MTUS1: variants seen among roughly 807,000 people sequenced by gnomAD.
MTUS1 encodes the protein microtubule-associated tumor suppressor 1.
Under a neutral mutation model 120.8 loss-of-function variants are expected in MTUS1, and 109 were observed. The ratio of observed to expected loss-of-function variants is 0.90; its 90% CI spans 0.77 to 1.06. The LOEUF (loss-of-function observed/expected upper bound fraction) is 1.06, where lower values mean the gene tolerates loss of function less well. Among genes scored for constraint, MTUS1 ranks in the 50% least tolerant of loss-of-function variants. The probability of loss-of-function intolerance (pLI) is 0.00; values close to 1 mark genes in which losing one functional copy is unlikely to be tolerated. For synonymous variants in MTUS1, 737 were observed against 550.5 expected (o/e 1.34, Z -4.74); for missense variants, 2,210 against 1,486.3 (o/e 1.49, Z -8.01).
At chr8:17,730,793 G>C (rs557773628) in intron 3 of MTUS1, among the ~76,000 whole-genome samples, 9 of 152,294 alleles carry the variant, frequency 5.9e-5, no homozygotes, top group Middle Eastern at 3.4e-3. Flanking sequence ...ACAGAACATA[G>C]AGTGGTGAGT....
chr8:17,763,464 T>G (rs1259148503), intron 1 of MTUS1, among the ~76,000 whole-genome samples: 1 of 152,182 alleles, frequency 6.6e-6, no homozygotes, highest in Non-Finnish European at 1.5e-5. Flanking sequence ...GGGAGTTTAA[T>G]TTGTATAACA....
intron 4 of MTUS1, chr8:17,723,396 C>A: frequency 4.2e-6 from 2 of 474,064 alleles, no homozygotes; most frequent in Non-Finnish European, 3.9e-6. Flanking sequence ...AGTCCAAATC[C>A]CCTGGGTTGC....
chr8:17,739,427 A>AG (rs2047156281), intron 3 of MTUS1, among the ~76,000 whole-genome samples: 2 of 146,600 alleles, frequency 1.4e-5, no homozygotes, highest in Non-Finnish European at 3.0e-5. Context: ...AGGGAAGGGG[A>AG]GGTTGTGGTG....
At chr8:17,733,827 G>GTA (rs1019761290) in intron 3 of MTUS1, among the ~76,000 whole-genome samples, 1 of 152,024 alleles carries the variant, frequency 6.6e-6, no homozygotes, top group African/African-American at 2.4e-5. Context: ...CTACCTTCTA[G>GTA]TATCTCAGTC....
chr8:17,783,687 C>T (rs17125425), intron 1 of MTUS1, among the ~76,000 whole-genome samples: 40,990 of 151,956 alleles, frequency 0.27, 7,093 homozygotes, highest in African/African-American at 0.47. Flanking sequence ...CTTCCAAGGG[C>T]CTGACAGCCT....
intron 2 of MTUS1, among the ~76,000 whole-genome samples, chr8:17,749,862 A>G (rs915688505): frequency 6.6e-6 from 1 of 151,936 alleles, no homozygotes; most frequent in Non-Finnish European, 1.5e-5. Flanking sequence ...TCTTCTCAGG[A>G]TCTCCTAAGG....
chr8:17,710,133 A>G (rs1443612631), intron 6 of MTUS1, among the ~76,000 whole-genome samples: 1 of 152,130 alleles, frequency 6.6e-6, no homozygotes, highest in Non-Finnish European at 1.5e-5. Context: ...GTGGCTGCTG[A>G]CTGACTGATT....
At chr8:17,648,149 T>G (rs541690025) in intron 13 of MTUS1, among the ~76,000 whole-genome samples, 1 of 152,340 alleles carries the variant, frequency 6.6e-6, no homozygotes, top group Non-Finnish European at 1.5e-5. Flanking sequence ...GAGCTGATTA[T>G]GGGCAGTGCC....
chr8:17,677,378 T>G (rs1429926809), intron 7 of MTUS1, among the ~76,000 whole-genome samples: 1 of 152,206 alleles, frequency 6.6e-6, no homozygotes, highest in Non-Finnish European at 1.5e-5. Flanking sequence ...GAAACTCATT[T>G]GGTGAACTTG....
At chr8:17,751,807 G>A (rs527949915) in intron 2 of MTUS1, among the ~76,000 whole-genome samples, 31 of 144,654 alleles carry the variant, frequency 2.1e-4, no homozygotes, top group Admixed American at 8.7e-4. Context: ...GCAGTGAGCC[G>A]AGATCTTGCC....
intron 1 of MTUS1, among the ~76,000 whole-genome samples, chr8:17,789,869 G>T (rs1402937209): frequency 1.3e-5 from 2 of 152,036 alleles, no homozygotes; most frequent in Non-Finnish European, 2.9e-5. Context: ...GACTTTTAGG[G>T]CTAAAAATCA....
intron 6 of MTUS1, among the ~76,000 whole-genome samples, chr8:17,709,822 A>G (rs1820915598): frequency 6.6e-6 from 1 of 152,000 alleles, no homozygotes; most frequent in Non-Finnish European, 1.5e-5. Flanking sequence ...TCTGGCTAAC[A>G]CGGTGAAACC....
intron 7 of MTUS1, among the ~76,000 whole-genome samples, chr8:17,681,840 C>G (rs940656962): frequency 7.4e-6 from 1 of 135,484 alleles, no homozygotes; most frequent in Admixed American, 7.4e-5. Flanking sequence ...CTAGTAGCCA[C>G]GCTGAGAAAA....
intron 1 of MTUS1, among the ~76,000 whole-genome samples, chr8:17,762,430 A>G (rs533846534): frequency 6.6e-6 from 1 of 152,266 alleles, no homozygotes; most frequent in African/African-American, 2.4e-5. Context: ...ACTTCCTACT[A>G]TTTTTCATAA....
At chr8:17,783,227 T>G (rs1420479280) in intron 1 of MTUS1, among the ~76,000 whole-genome samples, 1 of 152,152 alleles carries the variant, frequency 6.6e-6, no homozygotes, top group African/African-American at 2.4e-5. Context: ...GCTCTGACAA[T>G]AAGCACCTGC....
intron 2 of MTUS1, among the ~76,000 whole-genome samples, chr8:17,747,041 T>C (rs1441745922): frequency 6.6e-6 from 1 of 152,228 alleles, no homozygotes; most frequent in Non-Finnish European, 1.5e-5. Context: ...TCTCCAGCTT[T>C]CAATTCATCT....
chr8:17,756,427 G>C (rs10100086), intron 1 of MTUS1, among the ~76,000 whole-genome samples: 3,154 of 152,044 alleles, frequency 0.021, 97 homozygotes, highest in African/African-American at 0.072. Flanking sequence ...TCCATGCAGA[G>C]TGATTATTAG....
At chr8:17,651,746 G>C (rs1483225448) in intron 12 of MTUS1, 3 of 152,140 alleles carry the variant, frequency 2.0e-5, no homozygotes, top group African/African-American at 7.2e-5. Flanking sequence ...GACAGAAGCG[G>C]TTGGATGCTT....
Position 17,723,854 on chromosome 8 carries a change from A to G in MTUS1, c.2288-21T>C, listed in dbSNP as rs776353228. On this transcript the variant is annotated intron_variant, in intron 3 of 14. Coordinates refer to ENST00000693296, the MANE Select transcript of MTUS1 (RefSeq NM_001363059.2). ...CTTTCCTTGGGGTTTAAAAAAAACA[A>G]AAAGTTTCCAGTGCTATTCATCCCG... 80 of 1,531,156 alleles carry G rather than the reference A, an allele frequency of 5.2e-5. 3 individuals are homozygous for G. Among genetic ancestry groups the G allele is most frequent in the Non-Finnish European group, 6.7e-5 (76 of 1,140,470 alleles). The allele number at this position is 1,531,156 out of a possible 1,614,324, so 94.8% of individuals were successfully genotyped here.
Sources: allele counts gnomAD v4.1 joint callset (sites outside exome capture counted in the v4.1 genomes callset), GRCh38; gene constraint gnomAD v4.1.1; transcripts MANE v1.5; gene names NCBI Gene and HGNC (gene_info 2026-07-23, HGNC 2026-07-21).